The following TNS3 variants were observed in gnomAD, a reference collection of about 807,000 sequenced individuals.
The protein encoded by TNS3 is tensin 3.
In TNS3, 45 loss-of-function variants were observed where a neutral mutation model predicts 140.9. The ratio of observed to expected loss-of-function variants is 0.32; its 90% CI spans 0.25 to 0.41. The LOEUF (loss-of-function observed/expected upper bound fraction) is 0.41, where lower values mean the gene tolerates loss of function less well. TNS3 is among the 10% of genes least tolerant of loss of function. The pLI, the probability that TNS3 is intolerant of heterozygous loss-of-function variation, is 1.00. For missense variants in TNS3, 1,716 were observed against 1,906.7 expected (o/e 0.90, Z 1.86); for synonymous variants, 815 against 788.4 (o/e 1.03, Z -0.56).
chr7:47,508,841 G>A (rs956434398), intron 2 of TNS3, among the ~76,000 whole-genome samples: 2 of 152,204 alleles, frequency 1.3e-5, no homozygotes, highest in African/African-American at 4.8e-5. Context: ...AAGCAGCCCT[G>A]TGGAGAGGCC....
At chr7:47,404,613 G>A (rs953664974) in intron 13 of TNS3, among the ~76,000 whole-genome samples, 11 of 151,660 alleles carry the variant, frequency 7.3e-5, no homozygotes, top group Admixed American at 1.3e-4. Flanking sequence ...CCGGCCGGGC[G>A]CGGTGGCTCA....
intron 9 of TNS3, among the ~76,000 whole-genome samples, chr7:47,427,848 T>G (rs1222697820): frequency 6.6e-6 from 1 of 152,176 alleles, no homozygotes; most frequent in Non-Finnish European, 1.5e-5. Flanking sequence ...GTGGATTAGT[T>G]AGGAGAATTC....
At chr7:47,436,719 TGTTTGTG>T (rs1795199889) in intron 7 of TNS3, among the ~76,000 whole-genome samples, 1 of 152,124 alleles carries the variant, frequency 6.6e-6, no homozygotes, top group South Asian at 2.1e-4. Context: ...TTTTGTCTCT[TGTTTGTG>T]GTGGCTTAAC....
At chr7:47,440,409 TAGA>T (rs1011018116) in intron 5 of TNS3, among the ~76,000 whole-genome samples, 1 of 151,796 alleles carries the variant, frequency 6.6e-6, no homozygotes, top group African/African-American at 2.4e-5. Flanking sequence ...GGATGCAGGG[TAGA>T]ATGTGGGGCT....
chr7:47,394,775 A>G (rs2151312350), intron 16 of TNS3, among the ~76,000 whole-genome samples: 1 of 152,350 alleles, frequency 6.6e-6, no homozygotes, highest in African/African-American at 2.4e-5. Context: ...TTTCTACATA[A>G]AATCAACGTA....
intron 1 of TNS3, among the ~76,000 whole-genome samples, chr7:47,558,923 G>C: frequency 6.6e-6 from 1 of 152,258 alleles, no homozygotes; most frequent in South Asian, 2.1e-4. Context: ...AAAACTGGCC[G>C]CAAATCTCCC....
At chr7:47,580,214 G>A (rs933811238) in intron 1 of TNS3, among the ~76,000 whole-genome samples, 59 of 152,138 alleles carry the variant, frequency 3.9e-4, no homozygotes, top group African/African-American at 1.4e-3. Flanking sequence ...GGACCCTAGA[G>A]TCCTGTCCCA....
At chr7:47,422,128 G>A (rs969904703) in intron 10 of TNS3, among the ~76,000 whole-genome samples, 1 of 152,144 alleles carries the variant, frequency 6.6e-6, no homozygotes, top group Non-Finnish European at 1.5e-5. Flanking sequence ...ACCATTTGGT[G>A]AGCATCTTTT....
intron 16 of TNS3, among the ~76,000 whole-genome samples, chr7:47,388,662 C>A (rs550680470): frequency 6.6e-6 from 1 of 152,182 alleles, no homozygotes; most frequent in East Asian, 1.9e-4. Flanking sequence ...TTGAAGAGAT[C>A]GAGACTAGCC....
At chr7:47,438,413 C>A (rs1395673682) in intron 6 of TNS3, among the ~76,000 whole-genome samples, 1 of 152,108 alleles carries the variant, frequency 6.6e-6, no homozygotes, top group East Asian at 1.9e-4. Flanking sequence ...CGCTGACCAG[C>A]CTGGGAGTGG....
intron 20 of TNS3, among the ~76,000 whole-genome samples, chr7:47,322,539 A>AACAAACAC (rs138804007): frequency 6.6e-6 from 1 of 150,958 alleles, no homozygotes; most frequent in African/African-American, 2.4e-5. Flanking sequence ...CAAACAAACA[A>AACAAACAC]ACACACACAC....
In TNS3 at chr7:47,481,102, C is replaced by G. The variant is rs758218054; in HGVS notation, c.-76+1G>C. On this transcript the variant is annotated splice_donor_variant, in intron 4 of 30. Coordinates refer to ENST00000311160, the MANE Select transcript of TNS3 (RefSeq NM_022748.12). LOFTEE classifies it low-confidence loss of function (5UTR_SPLICE). ...GAGCCAAAGAAATGCAAAGGGCTTACCTGTTCCAGTCGGACTTGCACACCG... is the reference window on the plus strand; with the variant it reads ...GAGCCAAAGAAATGCAAAGGGCTTAGCTGTTCCAGTCGGACTTGCACACCG... The G allele has an allele frequency of 4.7e-6, 6 of 1,289,688 alleles. No homozygotes were observed. Among genetic ancestry groups the G allele is most frequent in the African/African-American group, 1.5e-5 (1 of 65,862 alleles). 79.9% of individuals were successfully genotyped at this position (1,289,688 alleles called of 1,614,324 possible).
intron 4 of TNS3, among the ~76,000 whole-genome samples, chr7:47,473,443 G>C (rs1202771008): frequency 6.6e-6 from 1 of 152,206 alleles, no homozygotes; most frequent in Non-Finnish European, 1.5e-5. Context: ...GAGACACACA[G>C]AATCTGGAAG....
chr7:47,297,014 C>T (rs1786063337), intron 24 of TNS3, 68 bp downstream of exon 24: 2 of 1,548,830 alleles, frequency 1.3e-6, no homozygotes, highest in Non-Finnish European at 1.7e-6. Context: ...TTTTATTAGC[C>T]TAAAAATAAA....
intron 1 of TNS3, among the ~76,000 whole-genome samples, chr7:47,530,838 A>AAAATATATATATATATATATATAT: frequency 3.7e-5 from 2 of 54,552 alleles, no homozygotes; most frequent in African/African-American, 7.9e-5. Flanking sequence ...AAAAAAAAAA[A>AAAATATATATATATATATATATAT]ATATATATAT....
intron 27 of TNS3, among the ~76,000 whole-genome samples, chr7:47,288,731 C>T (rs1031633560): frequency 6.6e-6 from 1 of 152,196 alleles, no homozygotes; most frequent in African/African-American, 2.4e-5. Flanking sequence ...AGGGTGAGGC[C>T]GGCTTCCCAG....
chr7:47,447,028 A>G (rs368412222), intron 4 of TNS3, among the ~76,000 whole-genome samples: 2 of 106,472 alleles, frequency 1.9e-5, no homozygotes, highest in Non-Finnish European at 4.6e-5. Context: ...CAGGTCCTGG[A>G]GCTCATCCTG....
intron 28 of TNS3, 51 bp from the exon 29 acceptor site, chr7:47,280,405 G>T: frequency 6.4e-7 from 1 of 1,563,602 alleles, no homozygotes; most frequent in Admixed American, 1.7e-5. Flanking sequence ...GGGCTTTTGG[G>T]TGATGGGGGA....
intron 4 of TNS3, among the ~76,000 whole-genome samples, chr7:47,458,363 G>A (rs1198903374): frequency 6.6e-6 from 1 of 152,222 alleles, no homozygotes; most frequent in African/African-American, 2.4e-5. Flanking sequence ...CATGGGGACA[G>A]ATGTGTCCTC....
Sources: allele counts gnomAD v4.1 joint callset (sites outside exome capture counted in the v4.1 genomes callset), GRCh38; gene constraint gnomAD v4.1.1; transcripts MANE v1.5; gene names NCBI Gene and HGNC (gene_info 2026-07-23, HGNC 2026-07-21).